WNK3: variants seen among roughly 807,000 people sequenced by gnomAD.
The protein encoded by WNK3 is WNK lysine deficient protein kinase 3, also known as serine/threonine-protein kinase WNK3.
Under a neutral mutation model 116.7 loss-of-function variants are expected in WNK3, and 18 were observed. The ratio of observed to expected loss-of-function variants is 0.15; its 90% CI spans 0.11 to 0.23. The LOEUF (loss-of-function observed/expected upper bound fraction) is 0.23, where lower values mean the gene tolerates loss of function less well. WNK3 is among the 10% of genes least tolerant of loss of function. The pLI, the probability that WNK3 is intolerant of heterozygous loss-of-function variation, is 1.00. For synonymous variants in WNK3, 404 were observed against 469.4 expected, an observed-to-expected ratio of 0.86 and a Z score of 1.80; for missense variants, 993 against 1,323.8, an observed-to-expected ratio of 0.75 and a Z score of 3.88.
chrX:54,333,509 C>G (rs2069196986), exon 2 of WNK3: 1 of 1,210,005 alleles, frequency 8.3e-7, no homozygotes, highest in Non-Finnish European at 1.1e-6. Context: ...AAAATCTCTT[C>G]CTTTCTACAG....
intron 10 of WNK3, among the ~76,000 whole-genome samples, chrX:54,259,940 A>G (rs2068238153): frequency 8.9e-6 from 1 of 112,050 alleles, no homozygotes; most frequent in Admixed American, 9.5e-5. Context: ...TGATCTTAGA[A>G]TGCAAATCTA....
At chrX:54,274,644 G>A (rs1557160213) in intron 10 of WNK3, among the ~76,000 whole-genome samples, 1 of 111,734 alleles carries the variant, frequency 8.9e-6, no homozygotes, top group African/African-American at 3.3e-5. Context: ...CACTGGAGAT[G>A]ACTGATTATA....
In WNK3 at chrX:54,233,455, AAG is replaced by A. The variant is rs1352997589; in HGVS notation, c.4629-437_4629-436del. ...CCTGTCAAAAAAAAAAAAAGAAAGA[AAG>A]AGAGAGCGAGAGAGAGAGGGAGGGA... On this transcript the variant is annotated intron_variant, in intron 20 of 23. Coordinates refer to ENST00000354646, the Ensembl canonical transcript of WNK3. Among the ~76,000 whole-genome samples, 4 of 97,612 alleles carry A rather than the reference AAG, an allele frequency of 4.1e-5. No homozygotes were observed. In the East Asian group the frequency reaches 1.1e-3, roughly 26 times the overall value. 84.8% of individuals were successfully genotyped at this position (97,612 alleles called of 115,157 possible).
chrX:54,305,635 G>C (rs192416546), intron 5 of WNK3, among the ~76,000 whole-genome samples: 22 of 111,053 alleles, frequency 2.0e-4, no homozygotes, highest in Admixed American at 2.0e-3. Flanking sequence ...TCTAGAGTCA[G>C]ACAGACTTGG....
intron 10 of WNK3, among the ~76,000 whole-genome samples, chrX:54,285,665 G>A (rs1653261958): frequency 8.9e-6 from 1 of 111,972 alleles, no homozygotes; most frequent in Admixed American, 9.6e-5. Context: ...CTGTAACAGA[G>A]ATTATATAGC....
intron 22 of WNK3, among the ~76,000 whole-genome samples, chrX:54,220,745 T>C (rs1474931736): frequency 3.6e-5 from 4 of 111,475 alleles, no homozygotes; most frequent in African/African-American, 1.3e-4. Flanking sequence ...CTTTTCAGTA[T>C]TTTTTCTATC....
chrX:54,345,710 C>T lies in WNK3; in HGVS notation c.-119-11918G>A, dbSNP rs781876008. ...CTGAGGCACGAGAATCGCTTGAGGCCAGGAGGCAGAGGTTGCAATGAGCCA... is the reference window on the plus strand; with the variant it reads ...CTGAGGCACGAGAATCGCTTGAGGCTAGGAGGCAGAGGTTGCAATGAGCCA... On this transcript the variant is annotated intron_variant, in intron 1 of 23. Transcript: ENST00000354646. Among the ~76,000 whole-genome samples, 6 of 107,065 alleles carry T rather than the reference C, an allele frequency of 5.6e-5. No homozygotes were observed. The South Asian group carries it at 2.5e-3, about 45-fold the overall frequency. 93.0% of individuals were successfully genotyped at this position (107,065 alleles called of 115,157 possible). A position where few individuals can be genotyped will look rare whatever the true frequency, so the allele number is the denominator to read the frequency against.
At chrX:54,344,851 G>A (rs1557177190) in intron 1 of WNK3, among the ~76,000 whole-genome samples, 1 of 108,327 alleles carries the variant, frequency 9.2e-6, no homozygotes, top group Non-Finnish European at 1.9e-5. Context: ...GGCTGAGGTG[G>A]GAGAATGGCG....
chrX:54,319,666 G>C (rs1404574863), intron 2 of WNK3, among the ~76,000 whole-genome samples: 2 of 112,165 alleles, frequency 1.8e-5, no homozygotes, highest in Non-Finnish European at 3.8e-5. Flanking sequence ...GTAGAGCCAA[G>C]ATCTTCAAAA....
At chrX:54,254,354 G>A (rs1392710826) in intron 12 of WNK3, among the ~76,000 whole-genome samples, 1 of 111,942 alleles carries the variant, frequency 8.9e-6, no homozygotes, top group South Asian at 3.7e-4. Context: ...ATAGTCACTA[G>A]AGCTATCTGC....
rs144205317 is a variant in WNK3 at position 54,211,247 on chromosome X, T to C, written c.4871-9054A>G. 8.6e-3 allele frequency among the ~76,000 whole-genome samples: 922 copies of C among 107,627 alleles called. 5 individuals are homozygous for C. Among genetic ancestry groups the C allele is most frequent in the Middle Eastern group, 0.036 (7 of 192 alleles). 93.5% of individuals were successfully genotyped at this position (107,627 alleles called of 115,157 possible). ...ACCTGAGGTCAGGAATTCGAGACCA[T>C]CCTGGCCAACATGGTGAAATCCTGT... On this transcript the variant is annotated intron_variant, in intron 22 of 23. Transcript: ENST00000354646.
chrX:54,262,361 TA>T (rs1197056263), intron 10 of WNK3, among the ~76,000 whole-genome samples: 4 of 112,178 alleles, frequency 3.6e-5, no homozygotes, highest in African/African-American at 9.7e-5. Context: ...TTATTACATA[TA>T]AATAAAAATA....
At chrX:54,236,944 C>T in exon 20 of WNK3, 2 of 1,192,703 alleles carry the variant, frequency 1.7e-6, no homozygotes, top group Non-Finnish European at 2.3e-6. Flanking sequence ...TTACTTTTCT[C>T]GTAATCTTTG....
intron 1 of WNK3, among the ~76,000 whole-genome samples, chrX:54,338,400 C>T (rs1328558921): frequency 4.7e-5 from 5 of 106,108 alleles, no homozygotes; most frequent in African/African-American, 6.9e-5. Context: ...CCAGCCTGGG[C>T]GACAGAGCAA....
At chrX:54,274,148 C>G (rs2068414703) in intron 10 of WNK3, among the ~76,000 whole-genome samples, 2 of 111,617 alleles carry the variant, frequency 1.8e-5, no homozygotes, top group Admixed American at 1.9e-4. Flanking sequence ...CCAAACTCAA[C>G]AAAGAGATTA....
chrX:54,220,047 T>C (rs2067744957), intron 22 of WNK3, among the ~76,000 whole-genome samples: 1 of 111,985 alleles, frequency 8.9e-6, no homozygotes, highest in Admixed American at 9.6e-5. Flanking sequence ...GCCATGCCTC[T>C]AGATTTACTC....
chrX:54,201,933 A>C, intron 23 of WNK3, 58 bp downstream of exon 23: 3 of 1,062,635 alleles, frequency 2.8e-6, no homozygotes, highest in Non-Finnish European at 3.9e-6. Flanking sequence ...GCCTAAGCGC[A>C]TCAATTTTTA....
At chrX:54,332,995 G>A (rs2069190599) in intron 2 of WNK3, 142 bp downstream of exon 2, 1 of 427,752 alleles carries the variant, frequency 2.3e-6, no homozygotes, top group African/African-American at 2.5e-5. Context: ...GAGGATATAG[G>A]AAAGGACCAT....
At chrX:54,225,743 T>C (rs1446592489) in intron 22 of WNK3, among the ~76,000 whole-genome samples, 1 of 110,636 alleles carries the variant, frequency 9.0e-6, no homozygotes, top group Non-Finnish European at 1.9e-5. Context: ...AATTGATATA[T>C]AGAGTCAATA....
Sources: allele counts gnomAD v4.1 joint callset (sites outside exome capture counted in the v4.1 genomes callset), GRCh38; gene constraint gnomAD v4.1.1; transcripts MANE v1.5; gene names NCBI Gene and HGNC (gene_info 2026-07-23, HGNC 2026-07-21).